PON1: variants seen among roughly 807,000 people sequenced by gnomAD.
PON1 encodes paraoxonase 1.
PON1 carries 37 observed loss-of-function variants against 39.2 expected under a neutral mutation model. That is an observed-to-expected ratio of 0.94 (90% confidence interval 0.73 to 1.24). PON1 has a LOEUF of 1.24. Ranked by LOEUF, PON1 falls within the 50% of genes most tolerant of loss-of-function variation. PON1 has a pLI of 0.00. For synonymous variants in PON1, 148 were observed against 152.2 expected (o/e 0.97, Z 0.21); for missense variants, 397 against 413.5 (o/e 0.96, Z 0.35).
intron 8 of PON1, among the ~76,000 whole-genome samples, chr7:95,300,122 A>G (rs755801810): frequency 6.6e-6 from 1 of 152,202 alleles, no homozygotes; most frequent in Non-Finnish European, 1.5e-5. Context: ...TGATTGTATC[A>G]ATAATAACAG....
rs565684735 is a variant in PON1 at position 95,301,008 on chromosome 7, C to T, written c.909+1197G>A. On this transcript the variant is annotated intron_variant, in intron 8 of 8. Transcript: ENST00000222381. ...TCTTTTTTTTTTAACCCAAGAGATA[C>T]GGGCTTTAACACTTTTTTTTTTCCT... Among the ~76,000 whole-genome samples the T allele has an allele frequency of 1.1e-4, 16 of 151,464 alleles. No homozygotes were observed. The East Asian group carries it at 2.5e-3, about 24-fold the overall frequency.
Position 95,298,457 on chromosome 7 carries a change from A to G in PON1, c.*487T>C. On this transcript the variant is annotated 3_prime_UTR_variant, in exon 9 of 9. Transcript: ENST00000222381. ...TGCCATAGTCAGACTTACTATGTGC[A>G]TGGAGTAGAGGGGAACTTCATAATG... 4.8e-6 allele frequency: 1 copy of G among 206,198 alleles called. No individual in the cohort carries two copies. Among genetic ancestry groups the G allele is most frequent in the South Asian group, 9.1e-5 (1 of 11,014 alleles). 12.8% of individuals were successfully genotyped at this position (206,198 alleles called of 1,614,324 possible).
rs1160687164 is a variant in PON1 at position 95,306,295 on chromosome 7, G to A, written c.770C>T (p.Thr257Ile). 1.9e-6 allele frequency: 3 copies of A among 1,607,332 alleles called. No individual in the cohort carries two copies. The African/African-American group carries it at 4.0e-5, about 22-fold the overall frequency. Reference protein sequence around the residue: ...VYEKHANWTLTPLKSLDFNTL... With the variant: ...VYEKHANWTLIPLKSLDFNTL... ...GTTAATACGTCTTACCTTCAATGGA[G>A]TTAAAGTCCAATTAGCATGCTTTTC... Residue 257 changes from threonine (T) to isoleucine (I), a missense_variant, in exon 7 of 9, where the codon ACT (threonine) becomes ATT (isoleucine). Thr to Ile is a moderately conservative substitution (Grantham distance 89). Transcript: ENST00000222381.
chr7:95,316,198 GT>G (rs1252806573), intron 3 of PON1, among the ~76,000 whole-genome samples: 1 of 152,124 alleles, frequency 6.6e-6, no homozygotes, highest in Non-Finnish European at 1.5e-5. Flanking sequence ...GACTTCTTTT[GT>G]TTTGCACTAT....
chr7:95,307,826 C>T (rs1418738872), intron 6 of PON1, among the ~76,000 whole-genome samples, 185 bp downstream of exon 6: 1 of 152,114 alleles, frequency 6.6e-6, no homozygotes, highest in Non-Finnish European at 1.5e-5. Flanking sequence ...AGTATGCCTT[C>T]ACAATGAAAT....
chr7:95,310,362 C>T (rs923675014), intron 5 of PON1, among the ~76,000 whole-genome samples: 2 of 152,208 alleles, frequency 1.3e-5, no homozygotes, highest in South Asian at 4.1e-4. Context: ...ATACTGTTCT[C>T]TACTTTAAAT....
At position 95,306,900 on chromosome 7, in the gene PON1, T is replaced by A. The variant is rs577418784; in HGVS notation, c.699-534A>T. ...ATACCCCACAAAGATCTGGGGTTAGTCTAAGCACTGTGCATCCCCCCAACA... is the reference window on the plus strand; with the variant it reads ...ATACCCCACAAAGATCTGGGGTTAGACTAAGCACTGTGCATCCCCCCAACA... On this transcript the variant is annotated intron_variant, in intron 6 of 8. Transcript: ENST00000222381. Among the ~76,000 whole-genome samples the A allele has an allele frequency of 3.3e-5, 5 of 152,216 alleles. No homozygotes were observed. The South Asian group carries it at 1.0e-3, about 32-fold the overall frequency.
chr7:95,311,073 GA>G (rs1807642424), intron 5 of PON1, among the ~76,000 whole-genome samples: 1 of 152,144 alleles, frequency 6.6e-6, no homozygotes, highest in Non-Finnish European at 1.5e-5. Context: ...CTAATTCATG[GA>G]AACATCTAAG....
chr7:95,315,370 C>A lies in PON1; in HGVS notation c.322G>T (p.Asp108Tyr), dbSNP rs1807743396. 1 of 1,613,514 alleles carries A rather than the reference C, an allele frequency of 6.2e-7. No homozygotes were observed. Among genetic ancestry groups the A allele is most frequent in the Non-Finnish European group, 8.5e-7 (1 of 1,179,546 alleles). Reference protein sequence around the residue: ...LELGITGSKFDVSSFNPHGIS... With the variant: ...LELGITGSKFYVSSFNPHGIS... The stretch of plus-strand genomic sequence containing the variant: ...CCATGAGGGTTAAATGAAGATACAT[C>A]AAATTTACTTCCAGTGATCCCCAAT... Residue 108 changes from aspartate to tyrosine, a missense_variant, in exon 4 of 9, where the codon GAT becomes TAT. Transcript: ENST00000222381.
At chr7:95,311,696 T>A in intron 4 of PON1, 119 bp from the exon 5 acceptor site, 2 of 1,062,052 alleles carry the variant, frequency 1.9e-6, no homozygotes, top group Non-Finnish European at 2.8e-6. Context: ...GCAGATGGAA[T>A]ATTTTCATCT....
intron 8 of PON1, among the ~76,000 whole-genome samples, chr7:95,301,096 T>G (rs539946166): frequency 3.3e-4 from 50 of 152,076 alleles, no homozygotes; most frequent in African/African-American, 1.1e-3. Context: ...TAGACAAATA[T>G]GTCAAGATGA....
chr7:95,313,632 G>GTGTA (rs1344639142), intron 4 of PON1, among the ~76,000 whole-genome samples: 3 of 151,542 alleles, frequency 2.0e-5, no homozygotes, highest in African/African-American at 7.3e-5. Flanking sequence ...GTGTGTGTGT[G>GTGTA]TGTGTGTGTG....
At chr7:95,310,679 A>G (rs1807633676) in intron 5 of PON1, among the ~76,000 whole-genome samples, 2 of 152,252 alleles carry the variant, frequency 1.3e-5, no homozygotes, top group Non-Finnish European at 2.9e-5. Flanking sequence ...TTAGCTAGGT[A>G]CCTGCAAAGA....
intron 7 of PON1, among the ~76,000 whole-genome samples, chr7:95,305,297 C>T (rs1018922769): frequency 6.6e-6 from 1 of 152,138 alleles, no homozygotes; most frequent in African/African-American, 2.4e-5. Flanking sequence ...CTCTAGTTTG[C>T]TCTTGGTCTC....
rs147993776 is a variant in PON1 at position 95,308,088 on chromosome 7, G to A, written c.621C>T (p.Tyr207=). ...CCACTCGAACTTCACTTGGACTATAGTAGACAACATACGACCACGCTAAAC... is the reference window on the plus strand; with the variant it reads ...CCACTCGAACTTCACTTGGACTATAATAGACAACATACGACCACGCTAAAC... ...YLGLAWSYVV[Y]YSPSEVRVVA... Residue 207 remains tyrosine, a synonymous_variant, in exon 6 of 9, where the codon TAC becomes TAT. Coordinates refer to ENST00000222381, the MANE Select transcript of PON1 (RefSeq NM_000446.7). The A allele has an allele frequency of 1.5e-5, 25 of 1,614,070 alleles. No individual in the cohort carries two copies. The highest frequency in any genetic ancestry group is 1.9e-5 in the Non-Finnish European group (22 of 1,180,014).
intron 7 of PON1, among the ~76,000 whole-genome samples, chr7:95,303,380 T>C (rs1344720157): frequency 6.6e-6 from 1 of 152,174 alleles, no homozygotes; most frequent in African/African-American, 2.4e-5. Flanking sequence ...CCTAAACCCC[T>C]GTCCATCCCA....
intron 4 of PON1, 124 bp downstream of exon 4, chr7:95,315,198 G>A (rs1217823330): frequency 2.2e-6 from 2 of 902,296 alleles, no homozygotes; most frequent in Admixed American, 2.2e-5. Flanking sequence ...TTAAAACCCA[G>A]AGTAAGAACA....
At chr7:95,313,084 C>G (rs560806731) in intron 4 of PON1, among the ~76,000 whole-genome samples, 2 of 152,138 alleles carry the variant, frequency 1.3e-5, no homozygotes, top group East Asian at 3.9e-4. Flanking sequence ...ATGCCACTGG[C>G]AATAAAAGGC....
At chr7:95,319,133 T>TTTTTG (rs1218358893) in intron 1 of PON1, among the ~76,000 whole-genome samples, 1 of 149,572 alleles carries the variant, frequency 6.7e-6, no homozygotes, top group East Asian at 1.9e-4. Flanking sequence ...ACAATAAACT[T>TTTTTG]TTTTTTTTTT....
Sources: gnomAD v4.1 joint callset for allele counts (sites outside exome capture counted in the v4.1 genomes callset) on GRCh38, gnomAD v4.1.1 for gene constraint, MANE v1.5 for transcripts, NCBI Gene and HGNC (gene_info 2026-07-23, HGNC 2026-07-21) for gene names.